The following ZNF804A variants were observed in gnomAD, a reference collection of about 807,000 sequenced individuals.
The protein encoded by ZNF804A is zinc finger protein 804A.
ZNF804A carries 2 observed loss-of-function variants against 16.5 expected under a neutral mutation model. The observed-to-expected ratio is 0.12, with a 90% CI of 0.05 to 0.38. The LOEUF (loss-of-function observed/expected upper bound fraction) is 0.38. ZNF804A is among the 10% of genes least tolerant of loss of function. ZNF804A has a pLI of 0.99. For synonymous variants in ZNF804A, 534 were observed against 489.6 expected, an observed-to-expected ratio of 1.09 and a Z score of -1.20; for missense variants, 1,473 against 1,390.7, an observed-to-expected ratio of 1.06 and a Z score of -0.94.
chr2:184,742,720 A>G (rs1376549652), intron 1 of ZNF804A, among the ~76,000 whole-genome samples: 1 of 151,514 alleles, frequency 6.6e-6, no homozygotes, highest in Non-Finnish European at 1.5e-5. Flanking sequence ...AATATAGAAA[A>G]TAGATAAATA....
At chr2:184,875,068 A>G (rs1376510992) in intron 2 of ZNF804A, among the ~76,000 whole-genome samples, 1 of 152,206 alleles carries the variant, frequency 6.6e-6, no homozygotes, top group African/African-American at 2.4e-5. Context: ...TATTTGGATA[A>G]TAAATAATAT....
At chr2:184,732,505 T>C (rs1693536445) in intron 1 of ZNF804A, among the ~76,000 whole-genome samples, 1 of 152,256 alleles carries the variant, frequency 6.6e-6, no homozygotes, top group East Asian at 1.9e-4. Flanking sequence ...TATTACTGTG[T>C]TGGCTATTCT....
intron 1 of ZNF804A, among the ~76,000 whole-genome samples, chr2:184,679,457 G>A (rs553509376): frequency 6.6e-6 from 1 of 152,244 alleles, no homozygotes; most frequent in South Asian, 2.1e-4. Context: ...GGTGGGGCAG[G>A]AGCCCCACCC....
chr2:184,811,941 G>T (rs1694908537), intron 1 of ZNF804A, among the ~76,000 whole-genome samples: 1 of 152,104 alleles, frequency 6.6e-6, no homozygotes, highest in African/African-American at 2.4e-5. Flanking sequence ...GAAAAGGTGA[G>T]AACACAGTCG....
chr2:184,869,702 G>C (rs1405744739), intron 2 of ZNF804A, among the ~76,000 whole-genome samples: 1 of 151,932 alleles, frequency 6.6e-6, no homozygotes, highest in African/African-American at 2.4e-5. Flanking sequence ...CTCCCAATGA[G>C]GATCTGTTTT....
At chr2:184,864,357 T>C (rs1237226939) in intron 1 of ZNF804A, among the ~76,000 whole-genome samples, 3 of 152,164 alleles carry the variant, frequency 2.0e-5, no homozygotes, top group Non-Finnish European at 4.4e-5. Context: ...AATCTATTGA[T>C]GAAGGATCTG....
intron 1 of ZNF804A, among the ~76,000 whole-genome samples, chr2:184,639,369 T>C (rs955151806): frequency 5.3e-5 from 8 of 151,918 alleles, no homozygotes; most frequent in Non-Finnish European, 1.2e-4. Context: ...CCACCGCGCC[T>C]GGCCTAGGAA....
chr2:184,769,090 G>T (rs1694172969), intron 1 of ZNF804A, among the ~76,000 whole-genome samples: 1 of 151,760 alleles, frequency 6.6e-6, no homozygotes, highest in Admixed American at 6.6e-5. Context: ...TGTGTAGAGG[G>T]AAGGAATATT....
intron 1 of ZNF804A, among the ~76,000 whole-genome samples, chr2:184,811,326 G>A (rs1181486699): frequency 2.0e-5 from 3 of 152,054 alleles, no homozygotes; most frequent in African/African-American, 7.2e-5. Flanking sequence ...TACTTTCTAA[G>A]TTGTTTCATA....
In ZNF804A at chr2:184,755,311, C is replaced by A. The variant is rs954023825; in HGVS notation, c.112-111058C>A. On this transcript the variant is annotated intron_variant, in intron 1 of 3. Coordinates refer to ENST00000302277, the MANE Select transcript of ZNF804A (RefSeq NM_194250.2). ...CTTTGGACGTAGAGTCAGTTTTGGC[C>A]AACTTTCTATAATATGATTCCTTCC... Among the ~76,000 whole-genome samples, 16 of 151,872 alleles carry A rather than the reference C, an allele frequency of 1.1e-4. No individual in the cohort carries two copies. In the South Asian group the frequency reaches 2.5e-3, roughly 24 times the overall value.
At chr2:184,679,806 G>A (rs1392988120) in intron 1 of ZNF804A, among the ~76,000 whole-genome samples, 1 of 152,126 alleles carries the variant, frequency 6.6e-6, no homozygotes, top group Non-Finnish European at 1.5e-5. Flanking sequence ...GCTCCCCTTG[G>A]CAAGAACAGT....
intron 1 of ZNF804A, among the ~76,000 whole-genome samples, chr2:184,694,443 T>C (rs898385569): frequency 1.2e-4 from 18 of 152,208 alleles, no homozygotes; most frequent in Admixed American, 1.1e-3. Context: ...TGTGCTTTCA[T>C]ATTCTTAATA....
At chr2:184,782,979 T>C (rs975452389) in intron 1 of ZNF804A, among the ~76,000 whole-genome samples, 4 of 150,802 alleles carry the variant, frequency 2.7e-5, no homozygotes, top group African/African-American at 9.7e-5. Flanking sequence ...CTCATATAGC[T>C]AGATGTATAT....
chr2:184,935,214 A>C (rs563421429), intron 3 of ZNF804A, among the ~76,000 whole-genome samples: 1 of 152,296 alleles, frequency 6.6e-6, no homozygotes, highest in African/African-American at 2.4e-5. Flanking sequence ...TATTGAGACT[A>C]ACAATTTCAA....
chr2:184,880,129 CA>C (rs551406169), intron 2 of ZNF804A, among the ~76,000 whole-genome samples: 80 of 152,082 alleles, frequency 5.3e-4, no homozygotes, highest in Admixed American at 2.2e-3. Flanking sequence ...GAGTGATCGA[CA>C]GATAGCAAAG....
In ZNF804A at chr2:184,853,708, G is replaced by A. The variant is rs1261510282; in HGVS notation, c.112-12661G>A. The stretch of plus-strand genomic sequence containing the variant: ...TGGTGTGTCATATTTATAGATTTTT[G>A]TATGCTGAACCATTCTTGCATCCCC... On this transcript the variant is annotated intron_variant, in intron 1 of 3. Coordinates refer to ENST00000302277, the MANE Select transcript of ZNF804A (RefSeq NM_194250.2). Among the ~76,000 whole-genome samples, 10 of 151,376 alleles carry A rather than the reference G, an allele frequency of 6.6e-5. No homozygotes were observed. In the South Asian group the frequency reaches 1.9e-3, roughly 28 times the overall value.
At chr2:184,910,389 G>T (rs748004683) in intron 2 of ZNF804A, among the ~76,000 whole-genome samples, 23 of 152,110 alleles carry the variant, frequency 1.5e-4, no homozygotes, top group Middle Eastern at 3.4e-3. Context: ...GGACAAATAG[G>T]TTGATTCCAC....
At chr2:184,792,381 A>G (rs1183395865) in intron 1 of ZNF804A, among the ~76,000 whole-genome samples, 1 of 151,984 alleles carries the variant, frequency 6.6e-6, no homozygotes, top group Non-Finnish European at 1.5e-5. Context: ...GTAGCAGTAT[A>G]TTTTTCTAGT....
At chr2:184,704,651 G>A (rs1016572631) in intron 1 of ZNF804A, among the ~76,000 whole-genome samples, 1 of 152,192 alleles carries the variant, frequency 6.6e-6, no homozygotes, top group African/African-American at 2.4e-5. Context: ...TTGGTTAATA[G>A]AATTTTTTGA....
Sources: allele counts gnomAD v4.1 joint callset (sites outside exome capture counted in the v4.1 genomes callset), GRCh38; gene constraint gnomAD v4.1.1; transcripts MANE v1.5; gene names NCBI Gene and HGNC (gene_info 2026-07-23, HGNC 2026-07-21).